The following LGSN variants were observed in gnomAD, a reference collection of about 807,000 sequenced individuals.
LGSN encodes lengsin.
A neutral mutation model predicts 19.5 loss-of-function variants in LGSN; 21 were observed. The ratio of observed to expected loss-of-function variants is 1.07; its 90% CI spans 0.76 to 1.55. The LOEUF (loss-of-function observed/expected upper bound fraction) is 1.55. Ranked by LOEUF, LGSN falls within the 40% of genes most tolerant of loss-of-function variation. The pLI is 0.00. For missense variants in LGSN, 673 were observed against 608.5 expected, an observed-to-expected ratio of 1.11 and a Z score of -1.12; for synonymous variants, 257 against 215.6, an observed-to-expected ratio of 1.19 and a Z score of -1.68.
the LGSN span, chr6:63,573,600 TG>T: frequency 1.3e-5 from 2 of 152,176 alleles, no homozygotes; most frequent in Non-Finnish European, 2.9e-5. Flanking sequence ...CGGGCCAGAG[TG>T]GGGTTCTGCT....
the LGSN span, among the ~76,000 whole-genome samples, chr6:63,546,444 G>C: frequency 6.6e-6 from 1 of 152,210 alleles, no homozygotes; most frequent in Non-Finnish European, 1.5e-5. Context: ...GGTGGCTCAC[G>C]CATGTAATCC....
At chr6:63,344,589 G>A in the LGSN span, among the ~76,000 whole-genome samples, 4 of 152,148 alleles carry the variant, frequency 2.6e-5, no homozygotes, top group African/African-American at 9.7e-5. Flanking sequence ...TCATTCTAGA[G>A]GAAAGCAGTT....
chr6:63,494,798 C>T, the LGSN span, among the ~76,000 whole-genome samples: 389 of 152,186 alleles, frequency 2.6e-3, 1 homozygote, highest in African/African-American at 8.5e-3. Flanking sequence ...TTTCACAGTC[C>T]GTAGATTCTA....
the LGSN span, among the ~76,000 whole-genome samples, chr6:63,377,204 C>T: frequency 4.6e-5 from 7 of 152,212 alleles, 1 homozygote; most frequent in Admixed American, 4.6e-4. Flanking sequence ...CTGAAACCAG[C>T]TGGCTTTTTT....
chr6:63,432,198 GA>G, the LGSN span, among the ~76,000 whole-genome samples: 62 of 29,378 alleles, frequency 2.1e-3, no homozygotes, highest in East Asian at 0.012. Flanking sequence ...GAAAAGAAAA[GA>G]AAAGAAAAGA....
the LGSN span, among the ~76,000 whole-genome samples, chr6:63,392,881 C>CTTTTTTTTTTTTTTT: frequency 9.1e-6 from 1 of 109,942 alleles, no homozygotes; most frequent in African/African-American, 3.9e-5. Flanking sequence ...TCTTCTTCTT[C>CTTTTTTTTTTTTTTT]TTTTTTTTTT....
chr6:63,412,570 G>A, the LGSN span, among the ~76,000 whole-genome samples: 3 of 111,366 alleles, frequency 2.7e-5, no homozygotes, highest in African/African-American at 1.4e-4. Flanking sequence ...AAGAAAGAAA[G>A]GAAGGAAGGA....
chr6:63,303,985 C>T (rs1165744289), intron 1 of LGSN, among the ~76,000 whole-genome samples: 3 of 152,206 alleles, frequency 2.0e-5, no homozygotes, highest in Admixed American at 6.5e-5. Context: ...TCGTGAGATT[C>T]TTAACCTTTC....
At chr6:63,534,986 G>A in the LGSN span, among the ~76,000 whole-genome samples, 1 of 152,122 alleles carries the variant, frequency 6.6e-6, no homozygotes, top group East Asian at 1.9e-4. Context: ...CTTAAACCCA[G>A]GAGGCAGAGG....
Position 63,280,257 on chromosome 6 carries a change from G to A in LGSN, c.1294C>T (p.His432Tyr), listed in dbSNP as rs2127380140. ...CCAGCCAAGACCTCATTACTGCTAT[G>A]AAGTCCATCTAAGCCGGCAGCAACA... ...ATVAAGLDGLHSSNEVLAGPD... is the reference protein window; with the variant it reads ...ATVAAGLDGLYSSNEVLAGPD... The change falls in exon 4 of 4, where the codon CAT becomes TAT. Residue 432 changes from histidine (H) to tyrosine (Y), a missense_variant. His to Tyr is a moderately conservative substitution (Grantham distance 83). Coordinates refer to ENST00000370657, the MANE Select transcript of LGSN (RefSeq NM_016571.3). The A allele has an allele frequency of 6.2e-7, 1 of 1,614,218 alleles. No homozygotes were observed.
At chr6:63,372,785 GA>G in the LGSN span, among the ~76,000 whole-genome samples, 4 of 151,502 alleles carry the variant, frequency 2.6e-5, no homozygotes, top group East Asian at 1.9e-4. Flanking sequence ...TAATAAAAAA[GA>G]AAAAAACAAA....
chr6:63,465,026 C>CAAAAAAAAAAAA, the LGSN span, among the ~76,000 whole-genome samples: 1 of 123,724 alleles, frequency 8.1e-6, no homozygotes. Context: ...GATTCTGTCT[C>CAAAAAAAAAAAA]AAAAAAAAAA....
the LGSN span, among the ~76,000 whole-genome samples, chr6:63,331,875 A>G: frequency 6.6e-6 from 1 of 152,042 alleles, no homozygotes; most frequent in East Asian, 1.9e-4. Context: ...ATACCGACGC[A>G]TTCTTGAAAA....
chr6:63,432,822 C>G, the LGSN span, among the ~76,000 whole-genome samples: 5 of 152,046 alleles, frequency 3.3e-5, no homozygotes, highest in Non-Finnish European at 7.4e-5. Context: ...ATTTACCTCC[C>G]CAGAGGTACA....
the LGSN span, among the ~76,000 whole-genome samples, chr6:63,368,735 T>C: frequency 6.6e-6 from 1 of 152,230 alleles, no homozygotes; most frequent in Non-Finnish European, 1.5e-5. Flanking sequence ...GAATGTAAAC[T>C]TAATGAAGAC....
At chr6:63,298,650 C>T (rs1768071944) in intron 1 of LGSN, among the ~76,000 whole-genome samples, 1 of 152,094 alleles carries the variant, frequency 6.6e-6, no homozygotes, top group East Asian at 1.9e-4. Context: ...CTATCCCATA[C>T]CTCTACATGT....
At chr6:63,567,024 G>A in the LGSN span, among the ~76,000 whole-genome samples, 2 of 152,178 alleles carry the variant, frequency 1.3e-5, no homozygotes, top group African/African-American at 2.4e-5. Context: ...AAATTGCAGC[G>A]ATTTAGTCAA....
chr6:63,474,825 A>C, the LGSN span, among the ~76,000 whole-genome samples: 1 of 149,440 alleles, frequency 6.7e-6, no homozygotes, highest in African/African-American at 2.5e-5. Context: ...TGAGAGGTGG[A>C]GGCAGGAGAA....
chr6:63,341,597 C>T, the LGSN span, among the ~76,000 whole-genome samples: 7 of 152,106 alleles, frequency 4.6e-5, no homozygotes, highest in Admixed American at 3.9e-4. Context: ...CACCTGTTCC[C>T]TGGGATATAG....
Sources: allele counts gnomAD v4.1 joint callset (sites outside exome capture counted in the v4.1 genomes callset), GRCh38; gene constraint gnomAD v4.1.1; transcripts MANE v1.5; gene names NCBI Gene and HGNC (gene_info 2026-07-23, HGNC 2026-07-21).